Variants in ACOX3 observed in about 807,000 individuals in gnomAD.
ACOX3 encodes the protein acyl-CoA oxidase 3, pristanoyl.
A neutral mutation model predicts 81.5 loss-of-function variants in ACOX3; 73 were observed. The observed-to-expected ratio is 0.90, with a 90% CI of 0.74 to 1.09. The LOEUF (loss-of-function observed/expected upper bound fraction) is 1.09, where lower values mean the gene tolerates loss of function less well. Among genes scored for constraint, ACOX3 ranks in the 50% least tolerant of loss-of-function variants. The pLI is 0.00. For missense variants in ACOX3, 947 were observed against 928.0 expected (o/e 1.02, Z -0.27); for synonymous variants, 387 against 375.1 (o/e 1.03, Z -0.37).
chr4:8,383,828 G>C (rs1717986844), intron 13 of ACOX3, among the ~76,000 whole-genome samples: 1 of 152,178 alleles, frequency 6.6e-6, no homozygotes, highest in Admixed American at 6.5e-5. Flanking sequence ...AACATCCCAA[G>C]CTCTCCCCAG....
rs1047616144 is a variant in ACOX3, at chr4:8,419,709, T to C, written c.-14-3174A>G. Among the ~76,000 whole-genome samples the C allele has an allele frequency of 1.3e-5, 2 of 152,126 alleles. No homozygotes were observed. Among genetic ancestry groups the C allele is most frequent in the Admixed American group, 6.5e-5 (1 of 15,282 alleles). On this transcript the variant is annotated intron_variant, in intron 1 of 17. Coordinates refer to ENST00000356406, the MANE Select transcript of ACOX3 (RefSeq NM_003501.3). The surrounding 1 kb of genome is among the most constrained non-coding windows in gnomAD (Gnocchi z 4.2). ...CACACCTCCAGACTCGTGAGCTCAT[T>C]TGGCAGTCAACGGCAATTCCCCACC...
chr4:8,387,699 C>T (rs763145106), intron 13 of ACOX3, among the ~76,000 whole-genome samples: 28 of 152,166 alleles, frequency 1.8e-4, no homozygotes, highest in African/African-American at 5.8e-4. Context: ...TCTGTCAAAT[C>T]GCACCCAGAC....
rs942810075 is a variant in ACOX3 at position 8,405,469 on chromosome 4, T to C, written c.776+486A>G. Among the ~76,000 whole-genome samples, 1 of 152,188 alleles carries C rather than the reference T, an allele frequency of 6.6e-6. No homozygotes were observed. The highest frequency in any genetic ancestry group is 1.5e-5 in the Non-Finnish European group (1 of 68,028). ...GCTAAATAGATATATGTGGGCTGAT[T>C]AAACAAATAAGCCAGCGGAATTCTC... is the stretch of plus-strand genomic sequence containing the variant. On this transcript the variant is annotated intron_variant, in intron 7 of 17. Transcript: ENST00000356406. This position sits in a 1 kb window ranked among gnomAD's most constrained non-coding sequence, Gnocchi z 7.1.
Position 8,386,113 on chromosome 4 carries a change from G to A in ACOX3, c.1537+3060C>T, listed in dbSNP as rs917606348. Among the ~76,000 whole-genome samples, 1 of 152,196 alleles carries A rather than the reference G, an allele frequency of 6.6e-6. No individual in the cohort carries two copies. On this transcript the variant is annotated intron_variant, in intron 13 of 17. Coordinates refer to ENST00000356406, the MANE Select transcript of ACOX3 (RefSeq NM_003501.3). This position sits in a 1 kb window ranked among gnomAD's most constrained non-coding sequence, Gnocchi z 5.2. ...CAGGGGAAGGGGAGGGAAGAGCAGA[G>A]CGTGATGGGCACATGGAGAAGCTGG...
At chr4:8,429,430 G>A (rs1002839637) in intron 1 of ACOX3, among the ~76,000 whole-genome samples, 3 of 152,248 alleles carry the variant, frequency 2.0e-5, no homozygotes, top group African/African-American at 7.2e-5. Flanking sequence ...TCCAGGTGCA[G>A]GGGCTTTAAG....
At chr4:8,361,425 CAAAAAAAAAAAAAAA>C (rs56251372), downstream of ACOX3, among the ~76,000 whole-genome samples, 11 of 39,024 alleles carry the variant, frequency 2.8e-4, no homozygotes, top group East Asian at 8.8e-4. Flanking sequence ...GACTCTATCT[CAAAAAAAAAAAAAAA>C]AAAAAAAAAA....
rs1331406034 is a variant in ACOX3 at position 8,370,105 on chromosome 4, C to T, written c.1983+803G>A. 2.0e-5 allele frequency among the ~76,000 whole-genome samples: 3 copies of T among 152,332 alleles called. No individual in the cohort carries two copies. Among genetic ancestry groups the T allele is most frequent in the Non-Finnish European group, 4.4e-5 (3 of 68,028 alleles). On this transcript the variant is annotated intron_variant, in intron 17 of 17. Coordinates refer to ENST00000356406, the MANE Select transcript of ACOX3 (RefSeq NM_003501.3). The surrounding 1 kb of genome is among the most constrained non-coding windows in gnomAD (Gnocchi z 6.3). The stretch of plus-strand genomic sequence containing the variant: ...TGCCTCAGCTGGAGGCCAGAGAAGG[C>T]CTCTCCAAGGCAGCAATAGTCAGCT...
chr4:8,376,717 G>A (rs1161313314), intron 14 of ACOX3, among the ~76,000 whole-genome samples: 3 of 152,208 alleles, frequency 2.0e-5, no homozygotes, highest in Non-Finnish European at 2.9e-5. Context: ...CATGGAGCAT[G>A]CCAGCATGGG....
rs1473152884 is a variant in ACOX3, at chr4:8,386,176, G to A, written c.1537+2997C>T. 6.6e-6 allele frequency among the ~76,000 whole-genome samples: 1 copy of A among 152,184 alleles called. No homozygotes were observed. Among genetic ancestry groups the A allele is most frequent in the Non-Finnish European group, 1.5e-5 (1 of 68,028 alleles). ...TGTTTTGATTTTATTAATATAAGGAGTGATGGTTTTAGGAAAAAGGTATTG... is the reference window on the plus strand; with the variant it reads ...TGTTTTGATTTTATTAATATAAGGAATGATGGTTTTAGGAAAAAGGTATTG... On this transcript the variant is annotated intron_variant, in intron 13 of 17. Transcript: ENST00000356406. The surrounding 1 kb of genome is among the most constrained non-coding windows in gnomAD (Gnocchi z 5.2).
At chr4:8,391,872 T>A (rs1450593797) in intron 11 of ACOX3, among the ~76,000 whole-genome samples, 1 of 152,218 alleles carries the variant, frequency 6.6e-6, no homozygotes, top group Non-Finnish European at 1.5e-5. Context: ...TATAACTAAC[T>A]CTTTATCTAA....
chr4:8,356,350 G>A, the ACOX3 span: 1 of 371,900 alleles, frequency 2.7e-6, no homozygotes, highest in East Asian at 7.3e-5. Flanking sequence ...CCCCTGTGCA[G>A]AGCATGTCTC....
At chr4:8,408,587 G>T (rs1458595994) in intron 6 of ACOX3, among the ~76,000 whole-genome samples, 1 of 152,186 alleles carries the variant, frequency 6.6e-6, no homozygotes, top group Admixed American at 6.5e-5. Context: ...CCCGCAAGAA[G>T]TCCACTCCAG....
At chr4:8,417,391 G>A (rs1374050317) in intron 1 of ACOX3, among the ~76,000 whole-genome samples, 5 of 152,206 alleles carry the variant, frequency 3.3e-5, no homozygotes, top group Admixed American at 6.5e-5. Flanking sequence ...GGTGGGAGCC[G>A]CAGGTCTGAG....
rs190742187 is a variant in ACOX3, at chr4:8,394,002, A to G, written c.1179+618T>C. On this transcript the variant is annotated intron_variant, in intron 10 of 17. Transcript: ENST00000356406. This position sits in a 1 kb window ranked among gnomAD's most constrained non-coding sequence, Gnocchi z 5.9. ...CACCGATAATATTTCAAGATATGCT[A>G]ATTAGATACAGGCTTTTTCTGATGT... 1.6e-3 allele frequency among the ~76,000 whole-genome samples: 250 copies of G among 152,296 alleles called. 1 individual carries two copies. The highest frequency in any genetic ancestry group is 0.01 in the Middle Eastern group (3 of 294).
chr4:8,372,666 C>T (rs1438332507), intron 16 of ACOX3, among the ~76,000 whole-genome samples: 1 of 152,210 alleles, frequency 6.6e-6, no homozygotes, highest in Admixed American at 6.5e-5. Context: ...CTTTATACAA[C>T]GAATCCCGAG....
In ACOX3 at chr4:8,400,588, T is replaced by C. The variant is rs898600650; in HGVS notation, c.777-936A>G. ...TGTATTAATAACCAAAGATACCTGT[T>C]ATGGTTGTCTGGTCAGGAAAACCTA... On this transcript the variant is annotated intron_variant, in intron 7 of 17. Coordinates refer to ENST00000356406, the MANE Select transcript of ACOX3 (RefSeq NM_003501.3). The surrounding 1 kb of genome is among the most constrained non-coding windows in gnomAD (Gnocchi z 4.4). Among the ~76,000 whole-genome samples, 1 of 152,202 alleles carries C rather than the reference T, an allele frequency of 6.6e-6. No individual in the cohort carries two copies. Among genetic ancestry groups the C allele is most frequent in the Non-Finnish European group, 1.5e-5 (1 of 68,036 alleles).
intron 7 of ACOX3, among the ~76,000 whole-genome samples, chr4:8,402,994 C>T (rs966165494): frequency 6.6e-5 from 10 of 152,348 alleles, no homozygotes; most frequent in Admixed American, 3.3e-4. Flanking sequence ...GCCACCGCCT[C>T]AGCTCAGGGC....
Position 8,384,020 on chromosome 4 carries a change from CTCCCAGCCTG to C in ACOX3, c.1538-2423_1538-2414del, listed in dbSNP as rs1718006683. On this transcript the variant is annotated intron_variant, in intron 13 of 17. Coordinates refer to ENST00000356406, the MANE Select transcript of ACOX3 (RefSeq NM_003501.3). This position sits in a 1 kb window ranked among gnomAD's most constrained non-coding sequence, Gnocchi z 5.3. ...ACGCATCAGCCATGGCTGGGCTTCC[CTCCCAGCCTG>C]TCCTGGCCATTCCCAAACACTGCCC... is the stretch of plus-strand genomic sequence containing the variant. 6.6e-6 allele frequency among the ~76,000 whole-genome samples: 1 copy of C among 152,248 alleles called. No individual in the cohort carries two copies. The highest frequency in any genetic ancestry group is 2.4e-5 in the African/African-American group (1 of 41,458).
intron 5 of ACOX3, among the ~76,000 whole-genome samples, chr4:8,412,939 A>T (rs1393261669): frequency 2.6e-5 from 1 of 38,022 alleles, no homozygotes; most frequent in Non-Finnish European, 5.5e-5. Flanking sequence ...TCTCCCTCCA[A>T]CCCGCACCCC....
Sources: gnomAD v4.1 joint callset for allele counts (sites outside exome capture counted in the v4.1 genomes callset) on GRCh38, gnomAD v4.1.1 for gene constraint, Gnocchi (gnomAD v3.1) non-coding constraint, MANE v1.5 for transcripts, NCBI Gene and HGNC (gene_info 2026-07-23, HGNC 2026-07-21) for gene names.